CDC73: variants seen among roughly 807,000 people sequenced by gnomAD.
CDC73 encodes cell division cycle 73, also known as parafibromin.
A neutral mutation model predicts 83.7 loss-of-function variants in CDC73; 21 were observed. The ratio of observed to expected loss-of-function variants is 0.25; its 90% CI spans 0.18 to 0.36. The LOEUF (loss-of-function observed/expected upper bound fraction) is 0.36. Ranked by LOEUF, CDC73 falls within the 10% of genes least tolerant of loss-of-function variation. The pLI is 1.00. For synonymous variants in CDC73, 224 were observed against 212.9 expected, an observed-to-expected ratio of 1.05 and a Z score of -0.45; for missense variants, 342 against 653.3, an observed-to-expected ratio of 0.52 and a Z score of 5.19.
At chr1:193,147,480 G>T (rs1400914972) in intron 7 of CDC73, among the ~76,000 whole-genome samples, 1 of 149,470 alleles carries the variant, frequency 6.7e-6, no homozygotes, top group African/African-American at 2.5e-5. Flanking sequence ...CCATATTCCT[G>T]CCTCAGCCTC....
At chr1:193,142,171 T>C (rs1254746058) in intron 7 of CDC73, 105 bp downstream of exon 7, 11 of 927,772 alleles carry the variant, frequency 1.2e-5, no homozygotes, top group Non-Finnish European at 1.7e-5. Flanking sequence ...AGGTGGAAGT[T>C]TCAAGTTTTA....
chr1:193,244,606 T>A (rs868017924), intron 15 of CDC73, among the ~76,000 whole-genome samples: 22 of 152,170 alleles, frequency 1.4e-4, no homozygotes, highest in Admixed American at 3.9e-4. Context: ...TAACATTTTT[T>A]AAAAAAATTA....
chr1:193,159,106 C>A (rs1318636566), intron 10 of CDC73, among the ~76,000 whole-genome samples: 2 of 151,932 alleles, frequency 1.3e-5, no homozygotes, highest in African/African-American at 4.8e-5. Context: ...ATAATTTTCC[C>A]CCTTGTGATT....
In CDC73 at chr1:193,187,110, C is replaced by CCCCCCT. The variant is rs976475675; in HGVS notation, c.973-16683_973-16682insCCCTCC. Among the ~76,000 whole-genome samples the CCCCCCT allele has an allele frequency of 2.0e-5, 2 of 99,754 alleles. 1 individual carries two copies. The highest frequency in any genetic ancestry group is 4.3e-5 in the Non-Finnish European group (2 of 46,560). 65.4% of individuals were successfully genotyped at this position (99,754 alleles called of 152,430 possible). A position where few individuals can be genotyped will look rare whatever the true frequency, so the allele number is the denominator to read the frequency against. On this transcript the variant is annotated intron_variant, in intron 10 of 16. Transcript: ENST00000367435. ...TATCTTTGTAATTTAGATCCCCCCC[C>CCCCCCT]CCGTTTTCTGGGGTTTGTATAAATA...
At chr1:193,225,179 C>T (rs938792444) in intron 13 of CDC73, among the ~76,000 whole-genome samples, 1 of 151,638 alleles carries the variant, frequency 6.6e-6, no homozygotes, top group Non-Finnish European at 1.5e-5. Context: ...TGATAGTCTC[C>T]AGTTCCATCC....
intron 7 of CDC73, among the ~76,000 whole-genome samples, chr1:193,145,722 T>C (rs557401415): frequency 2.6e-5 from 4 of 152,352 alleles, no homozygotes; most frequent in South Asian, 2.1e-4. Context: ...CTGAGACTTA[T>C]ATTTGCTGCT....
At chr1:193,221,615 G>A (rs1233330053) in intron 13 of CDC73, among the ~76,000 whole-genome samples, 1 of 152,156 alleles carries the variant, frequency 6.6e-6, no homozygotes, top group Non-Finnish European at 1.5e-5. Flanking sequence ...TCATCTGAAT[G>A]TATTACAAAT....
intron 15 of CDC73, among the ~76,000 whole-genome samples, chr1:193,237,415 G>C (rs1677780679): frequency 1.3e-5 from 2 of 152,156 alleles, no homozygotes; most frequent in South Asian, 4.1e-4. Context: ...CTTCTTGGAA[G>C]GCTGGGAGGT....
intron 10 of CDC73, among the ~76,000 whole-genome samples, chr1:193,176,386 A>G (rs1051813364): frequency 3.9e-5 from 6 of 152,242 alleles, no homozygotes; most frequent in African/African-American, 1.2e-4. Context: ...TGAACAGACA[A>G]AAAATCTTCA....
intron 11 of CDC73, among the ~76,000 whole-genome samples, chr1:193,205,009 G>A (rs1040067783): frequency 1.1e-4 from 17 of 152,108 alleles, no homozygotes; most frequent in Admixed American, 1.0e-3. Flanking sequence ...AGCAAAGCTG[G>A]TATTGAAGTT....
chr1:193,156,540 C>T (rs1169553569), intron 10 of CDC73, among the ~76,000 whole-genome samples: 1 of 152,010 alleles, frequency 6.6e-6, no homozygotes, highest in South Asian at 2.1e-4. Context: ...GATAATATCA[C>T]CATCAATTCT....
In CDC73 at chr1:193,253,913, A is replaced by G. The variant is rs142813353; in HGVS notation, c.*3201A>G. The G allele has an allele frequency of 2.7e-4, 60 of 224,100 alleles. No individual in the cohort carries two copies. The highest frequency in any genetic ancestry group is 4.5e-4 in the Non-Finnish European group (50 of 112,318). The allele number at this position is 224,100 out of a possible 1,614,324, so 13.9% of individuals were successfully genotyped here. On this transcript the variant is annotated 3_prime_UTR_variant, in exon 17 of 17. Transcript: ENST00000367435. ...ACTGCTAACAAAAATTAAAGTGATT[A>G]CATTGTTCTTTTTTGGAGGGGTGGG...
At chr1:193,211,944 C>G in intron 11 of CDC73, 121 bp from the exon 12 acceptor site, 1 of 731,806 alleles carries the variant, frequency 1.4e-6, no homozygotes, top group Middle Eastern at 3.9e-4. Context: ...AAAAAGTCTT[C>G]TGATTTACAG....
At chr1:193,231,138 G>A (rs1399540506) in intron 13 of CDC73, among the ~76,000 whole-genome samples, 2 of 152,040 alleles carry the variant, frequency 1.3e-5, no homozygotes, top group Non-Finnish European at 2.9e-5. Context: ...TATGTATTTT[G>A]CATTCTAGTC....
chr1:193,222,917 T>G (rs940484217), intron 13 of CDC73, among the ~76,000 whole-genome samples: 1 of 152,110 alleles, frequency 6.6e-6, no homozygotes, highest in African/African-American at 2.4e-5. Context: ...CCTGCATTTT[T>G]CATTATTTCG....
In CDC73 at chr1:193,185,500, T is replaced by C. The variant is rs535165309; in HGVS notation, c.973-18295T>C. On this transcript the variant is annotated intron_variant, in intron 10 of 16. Transcript: ENST00000367435. ...TGTTCATTATCTTCATTTAGGGAGA[T>C]GTTGGGGAAGATTTTGTTACTAAAA... Among the ~76,000 whole-genome samples, 744 of 152,220 alleles carry C rather than the reference T, an allele frequency of 4.9e-3. 6 individuals are homozygous for C. Among genetic ancestry groups the C allele is most frequent in the Non-Finnish European group, 7.3e-3 (498 of 67,956 alleles).
intron 1 of CDC73, among the ~76,000 whole-genome samples, chr1:193,123,699 AGTACCTAG>A (rs988436231): frequency 6.6e-6 from 1 of 151,728 alleles, no homozygotes; most frequent in Non-Finnish European, 1.5e-5. Context: ...ATGGCTAAGG[AGTACCTAG>A]GGTGTGAAGT....
chr1:193,202,712 CTG>C (rs1677113921), intron 10 of CDC73, among the ~76,000 whole-genome samples: 1 of 146,412 alleles, frequency 6.8e-6, no homozygotes, highest in African/African-American at 2.5e-5. Flanking sequence ...GATGTTCTAA[CTG>C]AATGCTAGGA....
rs1678015232 is a variant in CDC73, at chr1:193,249,727, T to C, written c.1418-3T>C. The C allele has an allele frequency of 1.9e-6, 3 of 1,605,540 alleles. No homozygotes were observed. The highest frequency in any genetic ancestry group is 2.2e-5 in the East Asian group (1 of 44,742). On this transcript the variant is annotated splice_polypyrimidine_tract_variant and splice_region_variant and intron_variant, in intron 15 of 16. Coordinates refer to ENST00000367435, the MANE Select transcript of CDC73 (RefSeq NM_024529.5). ...TGATAACTTCTCTCCACCCTCTCTA[T>C]AGTTAAAGCCTTCCATCTGAAGTAT... is the stretch of plus-strand genomic sequence containing the variant.
Sources: allele counts gnomAD v4.1 joint callset (sites outside exome capture counted in the v4.1 genomes callset), GRCh38; gene constraint gnomAD v4.1.1; transcripts MANE v1.5; gene names NCBI Gene and HGNC (gene_info 2026-07-23, HGNC 2026-07-21).